The following ZNF235 variants were observed in gnomAD, a reference collection of about 807,000 sequenced individuals.
The protein encoded by ZNF235 is zfp-93.
In ZNF235, 25 loss-of-function variants were observed where a neutral mutation model predicts 29.4. The observed-to-expected ratio is 0.85, with a 90% CI of 0.62 to 1.19. ZNF235 has a LOEUF of 1.19. Among genes scored for constraint, ZNF235 ranks in the 50% most tolerant of loss-of-function variants. The probability of loss-of-function intolerance (pLI) is 0.00; values close to 1 mark genes in which losing one functional copy is unlikely to be tolerated. For missense variants in ZNF235, 788 were observed against 885.0 expected (o/e 0.89, Z 1.39); for synonymous variants, 300 against 295.3 (o/e 1.02, Z -0.16).
At chr19:44,292,841 GA>G (rs1283347371) in intron 4 of ZNF235, among the ~76,000 whole-genome samples, 1 of 151,980 alleles carries the variant, frequency 6.6e-6, no homozygotes, top group Non-Finnish European at 1.5e-5. Context: ...ATCAGCAAGA[GA>G]AAAGTGTTTA....
In ZNF235 at chr19:44,286,532, G is replaced by T. The variant is rs1327847946; in HGVS notation, c.*686C>A. The T allele has an allele frequency of 2.0e-5, 3 of 152,180 alleles. No homozygotes were observed. The highest frequency in any genetic ancestry group is 7.2e-5 in the African/African-American group (3 of 41,420). 9.4% of individuals were successfully genotyped at this position (152,180 alleles called of 1,614,324 possible). On this transcript the variant is annotated 3_prime_UTR_variant, in exon 5 of 5. Coordinates refer to ENST00000291182, the MANE Select transcript of ZNF235 (RefSeq NM_004234.4). ...AAAAATCATACTGTACACAACTGAT[G>T]ATACACTGTACAAAGAACTAAGGCT...
intron 4 of ZNF235, among the ~76,000 whole-genome samples, chr19:44,292,889 T>C (rs1039646032): frequency 3.3e-5 from 5 of 152,064 alleles, no homozygotes; most frequent in Non-Finnish European, 4.4e-5. Context: ...ACAATTCAAC[T>C]TGTAGAAACC....
chr19:44,298,683 A>G, intron 4 of ZNF235, 125 bp downstream of exon 4: 1 of 700,970 alleles, frequency 1.4e-6, no homozygotes, highest in Non-Finnish European at 2.4e-6. Flanking sequence ...GGCTTGAGCC[A>G]TCGCGCCCAA....
At chr19:44,304,844 C>T (rs2722707) in intron 1 of ZNF235, 127 bp downstream of exon 1, 130,339 of 985,304 alleles carry the variant, frequency 0.13, 10,048 homozygotes, top group African/African-American at 0.33. Context: ...ACTCCCGCAG[C>T]CTCCCAACCC....
In ZNF235 at chr19:44,303,440, CG is replaced by C. The variant is rs34795851; in HGVS notation, c.-37del. 1.2e-6 allele frequency: 2 copies of C among 1,607,076 alleles called. No individual in the cohort carries two copies. The highest frequency in any genetic ancestry group is 3.4e-5 in the Admixed American group (2 of 59,602). On this transcript the variant is annotated 5_prime_UTR_variant, in exon 2 of 5. Transcript: ENST00000291182. ...CTCCTTCTGGGAAAAGGCAGAGTTCCGGGGAAGTGAACCTGAGGGAGGGAAA... is the reference window on the plus strand; with the variant it reads ...CTCCTTCTGGGAAAAGGCAGAGTTCCGGGAAGTGAACCTGAGGGAGGGAAA...
intron 2 of ZNF235, among the ~76,000 whole-genome samples, chr19:44,300,750 G>C (rs1975724776): frequency 6.7e-6 from 1 of 148,714 alleles, no homozygotes; most frequent in Non-Finnish European, 1.5e-5. Flanking sequence ...TGAGGCAGGA[G>C]AATCACTTGA....
intron 4 of ZNF235, among the ~76,000 whole-genome samples, chr19:44,293,679 A>C (rs1047023011): frequency 2.0e-5 from 3 of 152,104 alleles, no homozygotes; most frequent in Admixed American, 1.3e-4. Context: ...GTCACAAAAA[A>C]AGTCTCAATA....
intron 4 of ZNF235, among the ~76,000 whole-genome samples, chr19:44,295,590 A>G (rs566360027): frequency 7.9e-4 from 121 of 152,268 alleles, no homozygotes; most frequent in Non-Finnish European, 1.4e-3. Context: ...GAGGAAAAAC[A>G]ATTCTAAAAT....
intron 4 of ZNF235, among the ~76,000 whole-genome samples, chr19:44,297,754 C>T (rs746165440): frequency 1.1e-4 from 17 of 152,222 alleles, no homozygotes; most frequent in Middle Eastern, 3.4e-3. Flanking sequence ...TGAGCCACCG[C>T]GCCCAGCTGG....
At chr19:44,297,919 G>A (rs1030992012) in intron 4 of ZNF235, among the ~76,000 whole-genome samples, 10 of 152,130 alleles carry the variant, frequency 6.6e-5, no homozygotes, top group African/African-American at 2.2e-4. Flanking sequence ...AGGAGTTCAA[G>A]AGCAGCCTGG....
Position 44,288,521 on chromosome 19 carries a change from CCTGAGCTATAA to C in ZNF235, c.903_913del (p.Ser301ArgfsTer19). ...ACGAACACTTTGTTGAACAGGAATA[CCTGAGCTATAA>C]CTGGTGTCCTTCTCATGTGTACTAC... On this transcript the variant is annotated frameshift_variant, in exon 5 of 5. Coordinates refer to ENST00000291182, the MANE Select transcript of ZNF235 (RefSeq NM_004234.4). LOFTEE classifies it low-confidence loss of function (END_TRUNC). 6.2e-7 allele frequency: 1 copy of C among 1,614,090 alleles called. No homozygotes were observed. Among genetic ancestry groups the C allele is most frequent in the Non-Finnish European group, 8.5e-7 (1 of 1,179,964 alleles).
At chr19:44,304,674 G>A in intron 1 of ZNF235, 1 of 968,756 alleles carries the variant, frequency 1.0e-6, no homozygotes, top group Non-Finnish European at 1.2e-6. Flanking sequence ...CGAGGAAACT[G>A]AGACAAGGAG....
Position 44,289,175 on chromosome 19 carries a change from A to G in ZNF235, c.260T>C (p.Met87Thr), listed in dbSNP as rs1415173782. 1.9e-6 allele frequency: 3 copies of G among 1,612,684 alleles called. No individual in the cohort carries two copies. Among genetic ancestry groups the G allele is most frequent in the Non-Finnish European group, 1.7e-6 (2 of 1,179,436 alleles). Reference protein sequence around the residue: ...KHSGDRNQNEMATLHKAGLRC... With the variant: ...KHSGDRNQNETATLHKAGLRC... ...TAATCCTGCTTTGTGAAGAGTTGCC[A>G]TCTCATTTTGATTCCTGTCTCCTGA... The change falls in exon 5 of 5, where the codon ATG (methionine) becomes ACG (threonine). Residue 87 changes from methionine (M) to threonine (T), a missense_variant. Met to Thr is a moderately conservative substitution (Grantham distance 81). Transcript: ENST00000291182.
rs1180863734 is a variant in ZNF235, at chr19:44,288,440, G to T, written c.995C>A (p.Ser332Ter). ...HECGKGFSQS[S>*]NLQTHQRVHT... ...GACTCTCTGATGAGTTTGCAGATTTGAGCTCTGACTGAAACCTTTACCACA... is the reference window on the plus strand; with the variant it reads ...GACTCTCTGATGAGTTTGCAGATTTTAGCTCTGACTGAAACCTTTACCACA... The change falls in exon 5 of 5, where the codon TCA becomes TAA. Residue 332 changes from serine (S) to a stop codon, truncating the protein, a stop_gained. Transcript: ENST00000291182. LOFTEE classifies it low-confidence loss of function (END_TRUNC). 6.2e-7 allele frequency: 1 copy of T among 1,614,096 alleles called. No homozygotes were observed. Among genetic ancestry groups the T allele is most frequent in the East Asian group, 2.2e-5 (1 of 44,900 alleles).
intron 2 of ZNF235, 80 bp from the exon 3 acceptor site, chr19:44,299,812 T>C: frequency 6.2e-7 from 1 of 1,603,504 alleles, no homozygotes. Flanking sequence ...GTAGAGTTAC[T>C]ATTCTTCCCC....
intron 2 of ZNF235, among the ~76,000 whole-genome samples, chr19:44,302,966 G>A (rs1244901962): frequency 9.2e-5 from 9 of 98,046 alleles, no homozygotes; most frequent in East Asian, 5.5e-4. Context: ...AAATATATAC[G>A]TATATATGTA....
intron 1 of ZNF235, 81 bp downstream of exon 1, chr19:44,304,890 A>T (rs1365046708): frequency 1.2e-5 from 12 of 985,336 alleles, no homozygotes; most frequent in Non-Finnish European, 1.4e-5. Context: ...CTCTTCCCCA[A>T]GCCAAGGACG....
chr19:44,289,721 G>C (rs534403811), intron 4 of ZNF235: 1 of 152,356 alleles, frequency 6.6e-6, no homozygotes, highest in South Asian at 2.1e-4. Flanking sequence ...ACTTAGAAAG[G>C]AAAAATTGAC....
At chr19:44,296,058 G>A (rs1037321696) in intron 4 of ZNF235, among the ~76,000 whole-genome samples, 1 of 152,068 alleles carries the variant, frequency 6.6e-6, no homozygotes, top group African/African-American at 2.4e-5. Flanking sequence ...AAATAACTTG[G>A]TAACAAAATA....
Sources: gnomAD v4.1 joint callset for allele counts (sites outside exome capture counted in the v4.1 genomes callset) on GRCh38, gnomAD v4.1.1 for gene constraint, MANE v1.5 for transcripts, NCBI Gene and HGNC (gene_info 2026-07-23, HGNC 2026-07-21) for gene names.